The following DSE variants were observed in gnomAD, a reference collection of about 807,000 sequenced individuals.
DSE encodes the protein dermatan-sulfate epimerase.
Under a neutral mutation model 84.4 loss-of-function variants are expected in DSE, and 36 were observed. The observed-to-expected ratio is 0.43, with a 90% CI of 0.33 to 0.56. The LOEUF is 0.56. Among genes scored for constraint, DSE ranks in the 20% least tolerant of loss-of-function variants. DSE has a pLI of 0.06. For synonymous variants in DSE, 410 were observed against 430.1 expected (o/e 0.95, Z 0.58); for missense variants, 862 against 1,169.6 (o/e 0.74, Z 3.84).
At position 116,399,628 on chromosome 6, in the gene DSE, C is replaced by T. The variant is rs1382538114; in HGVS notation, c.378C>T (p.Ala126=). 5.0e-6 allele frequency: 8 copies of T among 1,614,016 alleles called. No homozygotes were observed. Among genetic ancestry groups the T allele is most frequent in the Non-Finnish European group, 5.9e-6 (7 of 1,180,030 alleles). Residue 126 remains alanine, a synonymous_variant, in exon 2 of 6, where the codon GCC becomes GCT. Coordinates refer to ENST00000644252, the MANE Select transcript of DSE (RefSeq NM_013352.4). ...YPENIEARDM[A]KDYMERMAAQ... is the part of the protein sequence containing the mutation. ...AGAACATTGAAGCCCGAGACATGGC[C>T]AAAGACTACATGGAGAGGATGGCAG...
At chr6:116,395,533 T>C (rs78784504) in intron 1 of DSE, among the ~76,000 whole-genome samples, 2,349 of 152,364 alleles carry the variant, frequency 0.015, 20 homozygotes, top group Non-Finnish European at 0.025. Context: ...ACTATAGTTA[T>C]TCAGGTACCA....
chr6:116,274,607 T>G (rs774362593), intron 2 of DSE, among the ~76,000 whole-genome samples: 44 of 152,128 alleles, frequency 2.9e-4, no homozygotes, highest in Admixed American at 1.9e-3. Context: ...GCATTTTACT[T>G]TAGAAAATAT....
At chr6:116,380,371 T>G (rs1205116590) in intron 1 of DSE, among the ~76,000 whole-genome samples, 1 of 151,980 alleles carries the variant, frequency 6.6e-6, no homozygotes, top group African/African-American at 2.4e-5. Context: ...TGAAACTTTG[T>G]GAGAACAATT....
chr6:116,268,579 C>T (rs543992428), intron 2 of DSE, among the ~76,000 whole-genome samples: 29 of 152,296 alleles, frequency 1.9e-4, no homozygotes, highest in East Asian at 3.9e-4. Context: ...CTCACATTCA[C>T]GATGTCTAGC....
At position 116,437,177 on chromosome 6, in the gene DSE, G is replaced by A. The variant is rs1784232027; in HGVS notation, c.2709G>A (p.Leu903=). ...CACTGTCTGCTTCCTATACCAGGTT[G>A]TTCCTGATTCTGAACATTGCTATTT... ...APSLSASYTR[L]FLILNIAIFF... is the part of the protein sequence containing the mutation. Residue 903 remains leucine, a synonymous_variant, in exon 6 of 6, where the codon TTG becomes TTA. Transcript: ENST00000644252. The A allele has an allele frequency of 6.2e-7, 1 of 1,614,126 alleles. No homozygotes were observed. Among genetic ancestry groups the A allele is most frequent in the Non-Finnish European group, 8.5e-7 (1 of 1,180,014 alleles).
In DSE at chr6:116,399,674, T is replaced by G; in HGVS notation, c.416+8T>G. On this transcript the variant is annotated splice_region_variant and intron_variant, in intron 2 of 5. Transcript: ENST00000644252. ...GGCAGCGCAGCCTAGTTGGTAGATTTTTGTCTTGTTCTTCTTACTGTGGTA... is the reference window on the plus strand; with the variant it reads ...GGCAGCGCAGCCTAGTTGGTAGATTGTTGTCTTGTTCTTCTTACTGTGGTA... The G allele has an allele frequency of 6.2e-7, 1 of 1,608,902 alleles. No homozygotes were observed. Among genetic ancestry groups the G allele is most frequent in the Non-Finnish European group, 8.5e-7 (1 of 1,176,610 alleles).
intron 2 of DSE, among the ~76,000 whole-genome samples, chr6:116,354,228 T>G (rs1562249560): frequency 6.6e-6 from 1 of 152,188 alleles, no homozygotes; most frequent in African/African-American, 2.4e-5. Context: ...AAAATCCCTT[T>G]AAAATTTTTA....
chr6:116,338,605 A>G (rs1777407330), intron 2 of DSE, among the ~76,000 whole-genome samples: 1 of 152,124 alleles, frequency 6.6e-6, no homozygotes, highest in South Asian at 2.1e-4. Context: ...AGACAGAACC[A>G]AAGATTACCT....
chr6:116,276,937 A>G (rs1773170111), intron 2 of DSE: 1 of 152,212 alleles, frequency 6.6e-6, no homozygotes, highest in African/African-American at 2.4e-5. Flanking sequence ...CATGAAGGCA[A>G]TTTGACAAGC....
intron 3 of DSE, among the ~76,000 whole-genome samples, chr6:116,430,492 T>G (rs1783754872): frequency 6.6e-6 from 1 of 152,242 alleles, no homozygotes; most frequent in African/African-American, 2.4e-5. Flanking sequence ...TATTAAAGAC[T>G]GGAAAGTGAC....
Position 116,436,165 on chromosome 6 carries a change from T to C in DSE, c.1697T>C (p.Leu566Pro), listed in dbSNP as rs1784140325. 1 of 1,613,386 alleles carries C rather than the reference T, an allele frequency of 6.2e-7. No individual in the cohort carries two copies. The highest frequency in any genetic ancestry group is 1.7e-5 in the Admixed American group (1 of 60,006). ...CTCATCCTCCTACATCCACAGCTGC[T>C]TCTCCTTGTAGACCAAATACACCTG... Reference protein sequence around the residue: ...RNLILLHPQLLLLVDQIHLGE... With the variant: ...RNLILLHPQLPLLVDQIHLGE... Residue 566 changes from leucine (L) to proline (P), a missense_variant, in exon 6 of 6, where the codon CTT (leucine) becomes CCT (proline). Physicochemically the swap from Leu to Pro is moderately conservative, Grantham distance 98. This residue lies in a region of DSE where 186 missense variants were observed against 255.1 expected (regional missense o/e 0.73). Coordinates refer to ENST00000644252, the MANE Select transcript of DSE (RefSeq NM_013352.4).
intron 1 of DSE, chr6:116,258,317 G>T: frequency 4.1e-6 from 2 of 487,056 alleles, no homozygotes; most frequent in Non-Finnish European, 7.5e-6. Flanking sequence ...GACCTGGCCA[G>T]ATATTTCTTT....
intron 2 of DSE, among the ~76,000 whole-genome samples, chr6:116,350,781 G>A (rs947669477): frequency 2.0e-5 from 3 of 151,898 alleles, no homozygotes; most frequent in South Asian, 2.1e-4. Context: ...TTCACTAAAC[G>A]TGTACGGTAC....
At chr6:116,355,145 T>G (rs958718282) in intron 2 of DSE, among the ~76,000 whole-genome samples, 14 of 152,338 alleles carry the variant, frequency 9.2e-5, no homozygotes, top group Admixed American at 6.5e-4. Context: ...TTTGCATACA[T>G]ACAGTTTCAC....
intron 2 of DSE, among the ~76,000 whole-genome samples, chr6:116,417,157 G>A (rs940364204): frequency 5.3e-5 from 8 of 152,090 alleles, no homozygotes; most frequent in Non-Finnish European, 8.8e-5. Flanking sequence ...TACTTATCAT[G>A]TTTCTTCCTC....
At chr6:116,386,888 A>T (rs1049448834) in intron 1 of DSE, among the ~76,000 whole-genome samples, 3 of 152,204 alleles carry the variant, frequency 2.0e-5, no homozygotes, top group Non-Finnish European at 4.4e-5. Context: ...AGATCCTTGA[A>T]CATTGTATTA....
chr6:116,317,354 A>G (rs1245693316), intron 2 of DSE, among the ~76,000 whole-genome samples: 2 of 152,244 alleles, frequency 1.3e-5, no homozygotes, highest in African/African-American at 2.4e-5. Flanking sequence ...GCATATTGTT[A>G]TGGCCAATAT....
intron 2 of DSE, among the ~76,000 whole-genome samples, chr6:116,342,481 A>G (rs1054572858): frequency 1.3e-5 from 2 of 151,978 alleles, no homozygotes; most frequent in Non-Finnish European, 2.9e-5. Flanking sequence ...GGGTTTCACC[A>G]TGTTGGCCAG....
chr6:116,333,928 C>T (rs1777094570), intron 2 of DSE, among the ~76,000 whole-genome samples: 2 of 152,108 alleles, frequency 1.3e-5, no homozygotes, highest in African/African-American at 4.8e-5. Context: ...GCCATGAATG[C>T]ACCACTCCAC....
Sources: allele counts gnomAD v4.1 joint callset (sites outside exome capture counted in the v4.1 genomes callset), GRCh38; gene constraint gnomAD v4.1.1; regional missense constraint gnomAD v4.1.1; transcripts MANE v1.5; gene names NCBI Gene and HGNC (gene_info 2026-07-23, HGNC 2026-07-21).